The following FYCO1 variants were observed in gnomAD, a reference collection of about 807,000 sequenced individuals.
FYCO1 encodes the protein FYVE and coiled-coil domain-containing protein 1.
Under a neutral mutation model 165.1 loss-of-function variants are expected in FYCO1, and 122 were observed. The observed-to-expected ratio is 0.74, with a 90% CI of 0.64 to 0.86. FYCO1 has a LOEUF of 0.86. Ranked by LOEUF, FYCO1 falls within the 40% of genes least tolerant of loss-of-function variation. The pLI is 0.00. For missense variants in FYCO1, 1,702 were observed against 1,810.3 expected (o/e 0.94, Z 1.09); for synonymous variants, 648 against 742.5 (o/e 0.87, Z 2.07).
chr3:45,956,337 AAAATAAATAAAT>A (rs56249293), intron 13 of FYCO1, among the ~76,000 whole-genome samples: 7,935 of 149,170 alleles, frequency 0.053, 260 homozygotes, highest in Middle Eastern at 0.09. Context: ...CTTAGTCTCA[AAAATAAATAAAT>A]AAATAAATAA....
chr3:45,956,062 G>T (rs1319188623), intron 13 of FYCO1, among the ~76,000 whole-genome samples: 3 of 152,202 alleles, frequency 2.0e-5, no homozygotes, highest in African/African-American at 7.2e-5. Flanking sequence ...AACACTGGGT[G>T]CTGTGGCTCA....
chr3:45,988,057 G>A (rs1707389551), intron 1 of FYCO1, among the ~76,000 whole-genome samples: 1 of 152,112 alleles, frequency 6.6e-6, no homozygotes, highest in Non-Finnish European at 1.5e-5. Flanking sequence ...GCTGTTCCCA[G>A]CCACTCATTA....
At chr3:45,936,112 T>A (rs1017116086) in intron 15 of FYCO1, among the ~76,000 whole-genome samples, 4 of 152,212 alleles carry the variant, frequency 2.6e-5, no homozygotes, top group Admixed American at 1.3e-4. Context: ...AATGAAAGTG[T>A]ACTGCTCATA....
intron 10 of FYCO1, among the ~76,000 whole-genome samples, chr3:45,963,228 GCA>G (rs139682068): frequency 6.6e-6 from 1 of 151,630 alleles, no homozygotes; most frequent in Non-Finnish European, 1.5e-5. Context: ...GTGTGTGCTT[GCA>G]CACACACACA....
chr3:45,929,048 G>C (rs1173029636), intron 16 of FYCO1, among the ~76,000 whole-genome samples: 3 of 152,264 alleles, frequency 2.0e-5, no homozygotes, highest in Non-Finnish European at 2.9e-5. Flanking sequence ...GCCCAGGCTG[G>C]TCAGGAGTGC....
chr3:45,958,325 A>G (rs1182439487), intron 13 of FYCO1, 83 bp downstream of exon 13: 1 of 1,233,826 alleles, frequency 8.1e-7, no homozygotes, highest in Non-Finnish European at 1.2e-6. Flanking sequence ...AATTCAGCTT[A>G]TTAGCACTAA....
chr3:45,955,689 G>A (rs1186067577), intron 13 of FYCO1, among the ~76,000 whole-genome samples: 1 of 152,194 alleles, frequency 6.6e-6, no homozygotes, highest in Non-Finnish European at 1.5e-5. Flanking sequence ...ATTCTCTGAG[G>A]TCCCTTATTT....
At position 45,930,668 on chromosome 3, in the gene FYCO1, G is replaced by A; in HGVS notation, c.4251+403C>T. Among the ~76,000 whole-genome samples the A allele has an allele frequency of 1.3e-5, 2 of 152,202 alleles. 1 individual carries two copies. Among genetic ancestry groups the A allele is most frequent in the Admixed American group, 1.3e-4 (2 of 15,288 alleles). On this transcript the variant is annotated intron_variant, in intron 16 of 17. Coordinates refer to ENST00000296137, the MANE Select transcript of FYCO1 (RefSeq NM_024513.4). ...GTCTCTACTGACACCTTTCCGGGTT[G>A]AGATGCACCCTAAGCTAAAAACTAG...
At chr3:45,952,184 T>C (rs1340080455) in intron 14 of FYCO1, among the ~76,000 whole-genome samples, 2 of 152,176 alleles carry the variant, frequency 1.3e-5, no homozygotes, top group African/African-American at 4.8e-5. Context: ...AGGGAGGCGC[T>C]CAACAGCATC....
intron 2 of FYCO1, among the ~76,000 whole-genome samples, chr3:45,982,496 T>G (rs1441001276): frequency 6.6e-6 from 1 of 152,178 alleles, no homozygotes; most frequent in African/African-American, 2.4e-5. Flanking sequence ...TCTTAACTTC[T>G]AAGATAATTC....
chr3:45,984,906 G>T lies in FYCO1; in HGVS notation c.5C>A (p.Ala2Asp), dbSNP rs1707239152. 1.2e-6 allele frequency: 2 copies of T among 1,614,046 alleles called. No individual in the cohort carries two copies. The highest frequency in any genetic ancestry group is 1.7e-6 in the Non-Finnish European group (2 of 1,180,048). The change falls in exon 2 of 18, where the codon GCC (alanine) becomes GAC (aspartate). Residue 2 changes from alanine to aspartate, a missense_variant. By Grantham distance (126) the Ala-to-Asp change is moderately radical (BLOSUM62 -2). Coordinates refer to ENST00000296137, the MANE Select transcript of FYCO1 (RefSeq NM_024513.4). ...GAGCTGGCTCTCTGCATTGGTGGAG[G>T]CCATGGTGAGTTTGCCTTTCTTGTC... MASTNAESQLQR... is the reference protein window; with the variant it reads MDSTNAESQLQR...
intron 10 of FYCO1, among the ~76,000 whole-genome samples, chr3:45,963,518 T>C (rs1017865882): frequency 6.6e-6 from 1 of 152,200 alleles, no homozygotes; most frequent in Non-Finnish European, 1.5e-5. Flanking sequence ...AGCCCAGGCC[T>C]AGAAGGCAGG....
intron 17 of FYCO1, among the ~76,000 whole-genome samples, 174 bp from the exon 18 acceptor site, chr3:45,922,014 G>A (rs1041059321): frequency 1.3e-5 from 2 of 152,208 alleles, no homozygotes; most frequent in Non-Finnish European, 2.9e-5. Flanking sequence ...GGGAGGGTCA[G>A]AGGGTTTCGG....
At chr3:45,922,501 C>T (rs1006193439) in intron 17 of FYCO1, among the ~76,000 whole-genome samples, 1 of 152,236 alleles carries the variant, frequency 6.6e-6, no homozygotes, top group South Asian at 2.1e-4. Context: ...CCAACCCATT[C>T]TCCTAACCAC....
chr3:45,947,115 T>C, intron 14 of FYCO1: 1 of 1,614,236 alleles, frequency 6.2e-7, no homozygotes, highest in Non-Finnish European at 8.5e-7. Context: ...TGTCTGCTAT[T>C]CAGTCATAAT....
At chr3:45,957,643 AG>A (rs1486209494) in intron 13 of FYCO1, among the ~76,000 whole-genome samples, 2 of 152,276 alleles carry the variant, frequency 1.3e-5, no homozygotes, top group Non-Finnish European at 1.5e-5. Context: ...CATCCTTGTC[AG>A]TTCTTTGTAC....
chr3:45,965,176 A>C, intron 8 of FYCO1, 51 bp from the exon 9 acceptor site: 1 of 1,401,984 alleles, frequency 7.1e-7, no homozygotes, highest in Non-Finnish European at 1.0e-6. Flanking sequence ...CCTTGCTCTG[A>C]GGATCCCTCA....
chr3:45,959,368 G>A (rs777360971), intron 12 of FYCO1, 25 bp downstream of exon 12: 1 of 1,613,460 alleles, frequency 6.2e-7, no homozygotes, highest in Admixed American at 1.7e-5. Context: ...GGGTGTTGGT[G>A]CCAACCCACG....
chr3:45,971,116 G>A (rs1163305385), intron 6 of FYCO1, among the ~76,000 whole-genome samples: 1 of 152,156 alleles, frequency 6.6e-6, no homozygotes, highest in Non-Finnish European at 1.5e-5. Context: ...CCCCACTGGG[G>A]TAATTGGATA....
Sources: gnomAD v4.1 joint callset for allele counts (sites outside exome capture counted in the v4.1 genomes callset) on GRCh38, gnomAD v4.1.1 for gene constraint, MANE v1.5 for transcripts, NCBI Gene and HGNC (gene_info 2026-07-23, HGNC 2026-07-21) for gene names.